Variants in PABPC4L observed in about 807,000 individuals in gnomAD.
The protein encoded by PABPC4L is polyadenylate-binding protein 4-like.
For missense variants in PABPC4L, 452 were observed against 451.4 expected (o/e 1.00, Z -0.01); for synonymous variants, 169 against 164.1 (o/e 1.03, Z -0.23).
At chr4:133,958,457 G>A in the PABPC4L span, among the ~76,000 whole-genome samples, 10 of 152,094 alleles carry the variant, frequency 6.6e-5, no homozygotes, top group East Asian at 1.9e-4. Context: ...TCCATCCTTC[G>A]CTTGTTACCT....
the PABPC4L span, among the ~76,000 whole-genome samples, chr4:134,159,843 T>C: frequency 3.3e-5 from 5 of 152,058 alleles, no homozygotes; most frequent in African/African-American, 9.7e-5. Context: ...CCTCCCCCAA[T>C]TGCAGGATGA....
chr4:134,107,123 A>T, the PABPC4L span, among the ~76,000 whole-genome samples: 4 of 150,614 alleles, frequency 2.7e-5, no homozygotes, highest in East Asian at 2.0e-4. Flanking sequence ...AGTCTTCTAA[A>T]TTTTTTTTTC....
At chr4:134,118,265 G>A in the PABPC4L span, among the ~76,000 whole-genome samples, 11 of 151,672 alleles carry the variant, frequency 7.3e-5, no homozygotes, top group African/African-American at 2.7e-4. Context: ...AACTTTCCTT[G>A]GAAAGTCATG....
chr4:134,090,610 T>A, the PABPC4L span, among the ~76,000 whole-genome samples: 10 of 151,784 alleles, frequency 6.6e-5, no homozygotes, highest in Admixed American at 3.9e-4. Flanking sequence ...AAAATAATTT[T>A]AAAAATTAAC....
chr4:134,124,931 G>C, the PABPC4L span, among the ~76,000 whole-genome samples: 6 of 151,976 alleles, frequency 3.9e-5, no homozygotes, highest in African/African-American at 1.2e-4. Flanking sequence ...AGCATTAAAG[G>C]CATTCCCAAT....
At chr4:134,059,781 C>T in the PABPC4L span, among the ~76,000 whole-genome samples, 5 of 151,828 alleles carry the variant, frequency 3.3e-5, no homozygotes, top group African/African-American at 9.7e-5. Context: ...AAAAGAGAGG[C>T]GAAGCAAGAT....
At chr4:133,997,851 T>C in the PABPC4L span, among the ~76,000 whole-genome samples, 2 of 152,200 alleles carry the variant, frequency 1.3e-5, no homozygotes, top group Non-Finnish European at 1.5e-5. Context: ...TTGAGCTATG[T>C]AATTAAGCTG....
chr4:134,019,552 C>T, the PABPC4L span, among the ~76,000 whole-genome samples: 35 of 152,086 alleles, frequency 2.3e-4, no homozygotes, highest in Admixed American at 3.3e-4. Context: ...AAATGACAAT[C>T]GGTAGCTATA....
Position 134,197,749 on chromosome 4 carries a change from G to T in PABPC4L, c.*2158C>A, listed in dbSNP as rs955969649. The T allele has an allele frequency of 6.6e-6, 1 of 151,416 alleles. No individual in the cohort carries two copies. Among genetic ancestry groups the T allele is most frequent in the African/African-American group, 2.4e-5 (1 of 41,324 alleles). The allele number at this position is 151,416 out of a possible 1,614,324, so 9.4% of individuals were successfully genotyped here. On this transcript the variant is annotated 3_prime_UTR_variant, in exon 2 of 2. Coordinates refer to ENST00000421491, the MANE Select transcript of PABPC4L (RefSeq NM_001114734.2). ...AAGTGAAATAAAGCAATGATGAAAT[G>T]GTTTGTTTTACATATCATGTTGAAT...
chr4:134,050,654 G>A, the PABPC4L span, among the ~76,000 whole-genome samples: 2 of 135,854 alleles, frequency 1.5e-5, no homozygotes, highest in African/African-American at 2.9e-5. Flanking sequence ...GCAGTGAGCC[G>A]AGATGATGCC....
chr4:134,161,855 T>C, the PABPC4L span, among the ~76,000 whole-genome samples: 1 of 152,098 alleles, frequency 6.6e-6, no homozygotes, highest in African/African-American at 2.4e-5. Flanking sequence ...AAAATAATAC[T>C]ACAGCAATTT....
chr4:134,168,747 T>C, the PABPC4L span, among the ~76,000 whole-genome samples: 1 of 151,786 alleles, frequency 6.6e-6, no homozygotes, highest in Non-Finnish European at 1.5e-5. Context: ...AATAGACTGA[T>C]AACAAACAAG....
At chr4:134,187,636 T>C in the PABPC4L span, among the ~76,000 whole-genome samples, 1 of 151,992 alleles carries the variant, frequency 6.6e-6, no homozygotes, top group Admixed American at 6.6e-5. Context: ...AGAATCAATA[T>C]GTATTTTTGG....
At chr4:133,966,843 T>A in the PABPC4L span, among the ~76,000 whole-genome samples, 2 of 152,022 alleles carry the variant, frequency 1.3e-5, no homozygotes, top group South Asian at 2.1e-4. Context: ...AAAAATAAAC[T>A]GCAATGAGAA....
the PABPC4L span, among the ~76,000 whole-genome samples, chr4:134,162,405 A>G: frequency 6.6e-6 from 1 of 152,110 alleles, no homozygotes; most frequent in African/African-American, 2.4e-5. Flanking sequence ...AGACACCAAC[A>G]CAATAATAAT....
the PABPC4L span, among the ~76,000 whole-genome samples, chr4:133,968,615 C>T: frequency 2.6e-5 from 4 of 151,836 alleles, no homozygotes; most frequent in Non-Finnish European, 4.4e-5. Flanking sequence ...AAATGGGCCA[C>T]GTAAATAGAC....
the PABPC4L span, among the ~76,000 whole-genome samples, chr4:134,009,134 A>G: frequency 6.6e-6 from 1 of 151,998 alleles, no homozygotes. Context: ...AACTTTTCAA[A>G]GTAAGAACAA....
the PABPC4L span, among the ~76,000 whole-genome samples, chr4:133,995,960 T>C: frequency 3.3e-5 from 5 of 152,316 alleles, no homozygotes; most frequent in South Asian, 6.2e-4. Context: ...CATATCTCTT[T>C]ATAAGCATCA....
the PABPC4L span, among the ~76,000 whole-genome samples, chr4:134,108,357 T>C: frequency 5.3e-5 from 8 of 151,876 alleles, no homozygotes; most frequent in Admixed American, 2.6e-4. Context: ...AAGCTTTTGC[T>C]CTTTTATTTA....
Sources: allele counts gnomAD v4.1 joint callset (sites outside exome capture counted in the v4.1 genomes callset), GRCh38; gene constraint gnomAD v4.1.1; transcripts MANE v1.5; gene names NCBI Gene and HGNC (gene_info 2026-07-23, HGNC 2026-07-21).